SPMAP2L: variants seen among roughly 807,000 people sequenced by gnomAD.
SPMAP2L encodes the protein sperm microtubule associated protein 2-like.
the SPMAP2L span, among the ~76,000 whole-genome samples, chr4:56,559,175 C>T: frequency 2.0e-5 from 3 of 151,684 alleles, no homozygotes; most frequent in African/African-American, 7.3e-5. Context: ...GTGGTGCGTG[C>T]CTGTAATCCC....
chr4:56,545,470 A>C, the SPMAP2L span, among the ~76,000 whole-genome samples: 1 of 152,142 alleles, frequency 6.6e-6, no homozygotes, highest in Non-Finnish European at 1.5e-5. Context: ...GTGGTGACTC[A>C]TGCCCAGCAC....
the SPMAP2L span, among the ~76,000 whole-genome samples, chr4:56,545,912 C>G: frequency 7.2e-5 from 11 of 152,068 alleles, no homozygotes; most frequent in South Asian, 1.0e-3. Flanking sequence ...CCTGCCTCAG[C>G]CTCCTGAGTC....
chr4:56,537,966 T>C, the SPMAP2L span, among the ~76,000 whole-genome samples: 1 of 152,188 alleles, frequency 6.6e-6, no homozygotes, highest in East Asian at 1.9e-4. Context: ...GTGCTGGGAT[T>C]ACAGGCGTGA....
chr4:56,531,287 A>G, the SPMAP2L span: 2 of 1,325,722 alleles, frequency 1.5e-6, no homozygotes, highest in South Asian at 1.6e-5. Flanking sequence ...TTTGCATGCA[A>G]GAGCTTGCCA....
chr4:56,537,077 T>C, the SPMAP2L span, among the ~76,000 whole-genome samples: 11 of 152,038 alleles, frequency 7.2e-5, no homozygotes, highest in Non-Finnish European at 1.5e-4. Flanking sequence ...GTATTAGTAT[T>C]ATTATCTCAT....
chr4:56,597,037 G>A, the SPMAP2L span, among the ~76,000 whole-genome samples: 6 of 152,318 alleles, frequency 3.9e-5, no homozygotes, highest in Admixed American at 3.3e-4. Flanking sequence ...CATGCTAAAT[G>A]CTATCAGGAA....
chr4:56,593,946 A>G, the SPMAP2L span: 1 of 1,608,768 alleles, frequency 6.2e-7, no homozygotes, highest in Non-Finnish European at 8.5e-7. Flanking sequence ...CATCAACTCC[A>G]GCATGACGTG....
the SPMAP2L span, chr4:56,600,893 A>C: frequency 2.9e-5 from 44 of 1,508,616 alleles, no homozygotes; most frequent in South Asian, 5.2e-4. Flanking sequence ...AGAAATGTAA[A>C]ATTTGGGATA....
At chr4:56,621,241 G>A in the SPMAP2L span, among the ~76,000 whole-genome samples, 3 of 152,118 alleles carry the variant, frequency 2.0e-5, no homozygotes, top group Admixed American at 6.5e-5. Context: ...AAAGCAACAT[G>A]AAAGCAAAAA....
At chr4:56,578,796 T>TA in the SPMAP2L span, among the ~76,000 whole-genome samples, 45,183 of 151,674 alleles carry the variant, frequency 0.3, 9,531 homozygotes, top group African/African-American at 0.6. Flanking sequence ...TAAAAAGACA[T>TA]ACAATTATGG....
chr4:56,565,394 TA>T, the SPMAP2L span, among the ~76,000 whole-genome samples: 1 of 152,272 alleles, frequency 6.6e-6, no homozygotes, highest in African/African-American at 2.4e-5. Flanking sequence ...GCATCCCTAA[TA>T]AAAAAATCTG....
chr4:56,552,721 A>G, the SPMAP2L span: 1 of 682,838 alleles, frequency 1.5e-6, no homozygotes, highest in Non-Finnish European at 2.6e-6. Flanking sequence ...CTCTGAACCA[A>G]TATTGTCACC....
the SPMAP2L span, chr4:56,594,227 G>C: frequency 1.2e-6 from 2 of 1,605,718 alleles, no homozygotes; most frequent in African/African-American, 2.7e-5. Context: ...CACCCATCAA[G>C]TGTTCAACAG....
the SPMAP2L span, among the ~76,000 whole-genome samples, chr4:56,619,554 G>A: frequency 1.3e-5 from 2 of 152,122 alleles, no homozygotes; most frequent in East Asian, 1.9e-4. Flanking sequence ...CCATATTGTC[G>A]CATGAGGCAG....
chr4:56,559,721 C>T, the SPMAP2L span, among the ~76,000 whole-genome samples: 4 of 152,234 alleles, frequency 2.6e-5, no homozygotes, highest in East Asian at 1.9e-4. Context: ...TCACACACCA[C>T]CACACCCAGC....
the SPMAP2L span, among the ~76,000 whole-genome samples, chr4:56,612,997 C>T: frequency 6.6e-6 from 1 of 152,038 alleles, no homozygotes; most frequent in Admixed American, 6.6e-5. Flanking sequence ...AAGCGGAGTC[C>T]CTGCTCCATC....
chr4:56,593,013 C>G, the SPMAP2L span: 3 of 1,598,116 alleles, frequency 1.9e-6, no homozygotes, highest in Non-Finnish European at 1.7e-6. Context: ...ATCCTTGCAA[C>G]TCTGCATGCC....
At chr4:56,573,965 G>C in the SPMAP2L span, among the ~76,000 whole-genome samples, 1 of 152,218 alleles carries the variant, frequency 6.6e-6, no homozygotes, top group Non-Finnish European at 1.5e-5. Context: ...ATGCAGATCT[G>C]TATCTGTGAA....
the SPMAP2L span, chr4:56,530,937 T>C: frequency 6.5e-7 from 1 of 1,534,160 alleles, no homozygotes; most frequent in Non-Finnish European, 8.7e-7. Flanking sequence ...AGCCCCACGC[T>C]CCCTATGCGC....
Sources: gnomAD v4.1 joint callset for allele counts (sites outside exome capture counted in the v4.1 genomes callset) on GRCh38, gnomAD v4.1.1 for gene constraint, MANE v1.5 for transcripts, NCBI Gene and HGNC (gene_info 2026-07-23, HGNC 2026-07-21) for gene names.